The following LATS2 variants were observed in gnomAD, a reference collection of about 807,000 sequenced individuals.
The protein encoded by LATS2 is large tumor suppressor kinase 2.
A neutral mutation model predicts 76.0 loss-of-function variants in LATS2; 24 were observed. The ratio of observed to expected loss-of-function variants is 0.32; its 90% CI spans 0.23 to 0.44. LATS2 has a LOEUF of 0.44. Ranked by LOEUF, LATS2 falls within the 20% of genes least tolerant of loss-of-function variation. LATS2 has a pLI of 1.00. For synonymous variants in LATS2, 692 were observed against 635.4 expected, an observed-to-expected ratio of 1.09 and a Z score of -1.34; for missense variants, 1,286 against 1,481.2, an observed-to-expected ratio of 0.87 and a Z score of 2.16.
chr13:21,028,097 A>G (rs1280450071), intron 2 of LATS2, among the ~76,000 whole-genome samples: 1 of 151,816 alleles, frequency 6.6e-6, no homozygotes, highest in Non-Finnish European at 1.5e-5. Context: ...ACCCCACAAC[A>G]GTCCCCAGAG....
intron 2 of LATS2, among the ~76,000 whole-genome samples, chr13:21,007,089 G>A (rs1044089318): frequency 3.9e-5 from 6 of 152,104 alleles, no homozygotes; most frequent in African/African-American, 1.2e-4. Flanking sequence ...TAGTTATGAA[G>A]TATGGTAGCA....
At chr13:20,996,336 C>T (rs1051509989) in intron 2 of LATS2, among the ~76,000 whole-genome samples, 4 of 151,810 alleles carry the variant, frequency 2.6e-5, no homozygotes, top group African/African-American at 9.7e-5. Context: ...CACATCCAGT[C>T]CAGAAGCATT....
chr13:21,049,946 C>A (rs968567806), intron 1 of LATS2, among the ~76,000 whole-genome samples: 15 of 151,946 alleles, frequency 9.9e-5, no homozygotes, highest in African/African-American at 3.4e-4. Flanking sequence ...CACAGTGAAA[C>A]GCTGTCTCTA....
At chr13:21,030,613 A>AAAAAAAAAAAAAG (rs1565960105) in intron 2 of LATS2, among the ~76,000 whole-genome samples, 25 of 19,512 alleles carry the variant, frequency 1.3e-3, no homozygotes, top group African/African-American at 2.3e-3. Context: ...AAAAAAAAAG[A>AAAAAAAAAAAAAG]AAAAAAAAAA....
intron 2 of LATS2, among the ~76,000 whole-genome samples, chr13:21,006,549 A>C (rs1160737053): frequency 6.6e-6 from 1 of 152,062 alleles, no homozygotes; most frequent in Non-Finnish European, 1.5e-5. Flanking sequence ...ATTAAATGTG[A>C]CTCCGGAAGA....
intron 2 of LATS2, among the ~76,000 whole-genome samples, chr13:21,013,280 G>C (rs1871670735): frequency 6.6e-6 from 1 of 152,210 alleles, no homozygotes; most frequent in African/African-American, 2.4e-5. Flanking sequence ...TGCATGTTCT[G>C]CCCAATTGGA....
At chr13:21,050,983 C>T (rs897216987) in intron 1 of LATS2, among the ~76,000 whole-genome samples, 1 of 152,182 alleles carries the variant, frequency 6.6e-6, no homozygotes, top group Non-Finnish European at 1.5e-5. Flanking sequence ...AAGGCGTGAA[C>T]GGGACCTCTG....
At chr13:21,007,883 C>CT (rs1871422713) in intron 2 of LATS2, among the ~76,000 whole-genome samples, 1 of 143,984 alleles carries the variant, frequency 6.9e-6, no homozygotes, top group Non-Finnish European at 1.5e-5. Context: ...CCTCAGCCTC[C>CT]TGAGTAGCTG....
chr13:20,975,808 C>T (rs577691348), intron 7 of LATS2, among the ~76,000 whole-genome samples: 24 of 152,246 alleles, frequency 1.6e-4, no homozygotes, highest in East Asian at 5.8e-4. Context: ...CTCAGCCTCC[C>T]GAGTAGCTGG....
chr13:20,980,522 G>A (rs1280706047), intron 6 of LATS2, among the ~76,000 whole-genome samples: 1 of 152,196 alleles, frequency 6.6e-6, no homozygotes, highest in Non-Finnish European at 1.5e-5. Context: ...GCATATGCCA[G>A]GGTAGCCCCC....
intron 2 of LATS2, among the ~76,000 whole-genome samples, chr13:21,023,627 C>G (rs1272982238): frequency 8.4e-6 from 1 of 118,718 alleles, no homozygotes; most frequent in Non-Finnish European, 1.6e-5. Flanking sequence ...CCAAATGACA[C>G]ATTTTCTATG....
In LATS2 at chr13:20,988,916, G is replaced by A; in HGVS notation, c.864C>T (p.Ser288=). Reference sequence around the variant, plus strand: ...GTCCTCCCTGGCCCTTCGTGGGCAGGCTGGCGTAACCCCCGGTCTCCGGCG... The same window carrying A: ...GTCCTCCCTGGCCCTTCGTGGGCAGACTGGCGTAACCCCCGGTCTCCGGCG... ...KTPPETGGYA[S]LPTKGQGGPP... The change falls in exon 4 of 8, where the codon AGC becomes AGT. Residue 288 remains serine, a synonymous_variant. Coordinates refer to ENST00000382592, the MANE Select transcript of LATS2 (RefSeq NM_014572.3). The A allele has an allele frequency of 6.6e-7, 1 of 1,525,524 alleles. No individual in the cohort carries two copies. 94.5% of individuals were successfully genotyped at this position (1,525,524 alleles called of 1,614,324 possible).
intron 7 of LATS2, among the ~76,000 whole-genome samples, chr13:20,975,972 T>C (rs1869604836): frequency 6.6e-6 from 1 of 152,184 alleles, no homozygotes; most frequent in Non-Finnish European, 1.5e-5. Context: ...CTGCAAACCA[T>C]CATGACGCTC....
Position 20,990,461 on chromosome 13 carries a change from A to ATTTT in LATS2, c.475+807_475+810dup, listed in dbSNP as rs35074574. On this transcript the variant is annotated intron_variant, in intron 3 of 7. Transcript: ENST00000382592. ...GGGAAAACTCTTGCTAATTACTAGG[A>ATTTT]TTTTTTTTTTTTTTTTTTTTTTTTT... Among the ~76,000 whole-genome samples, 383 of 94,502 alleles carry ATTTT rather than the reference A, an allele frequency of 4.1e-3. 29 individuals are homozygous for ATTTT. Among genetic ancestry groups the ATTTT allele is most frequent in the African/African-American group, 0.015 (361 of 24,362 alleles). The allele number at this position is 94,502 out of a possible 152,430, so 62.0% of individuals were successfully genotyped here.
chr13:21,001,944 C>T (rs962652145), intron 2 of LATS2, among the ~76,000 whole-genome samples: 3 of 151,296 alleles, frequency 2.0e-5, no homozygotes, highest in African/African-American at 4.9e-5. Context: ...GGCGGAGTCT[C>T]GCTCTGTCGC....
At chr13:21,036,057 C>T (rs1329150175) in intron 2 of LATS2, among the ~76,000 whole-genome samples, 2 of 152,166 alleles carry the variant, frequency 1.3e-5, no homozygotes, top group African/African-American at 4.8e-5. Context: ...TGACACCACA[C>T]CTGGATAATT....
intron 2 of LATS2, among the ~76,000 whole-genome samples, chr13:20,993,045 A>AG (rs1325427369): frequency 2.7e-5 from 4 of 149,046 alleles, no homozygotes; most frequent in Non-Finnish European, 5.9e-5. Flanking sequence ...CAAAAAAAAA[A>AG]AAAAAAAAAA....
chr13:21,038,225 CG>C (rs1415532028), intron 2 of LATS2, among the ~76,000 whole-genome samples: 1 of 152,088 alleles, frequency 6.6e-6, no homozygotes, highest in East Asian at 1.9e-4. Context: ...GAGCCTGTAC[CG>C]GGGGCAGGAG....
Position 20,975,377 on chromosome 13 carries a change from C to T in LATS2, c.2773-13G>A, listed in dbSNP as rs763249026. 1 of 1,533,298 alleles carries T rather than the reference C, an allele frequency of 6.5e-7. No individual in the cohort carries two copies. The highest frequency in any genetic ancestry group is 8.8e-7 in the Non-Finnish European group (1 of 1,141,866). 95.0% of individuals were successfully genotyped at this position (1,533,298 alleles called of 1,614,324 possible). A position where few individuals can be genotyped will look rare whatever the true frequency, so the allele number is the denominator to read the frequency against. On this transcript the variant is annotated splice_polypyrimidine_tract_variant and intron_variant, in intron 7 of 7. Transcript: ENST00000382592. ...CCCAGTTGATCACCTGAGGAAACAA[C>T]AGAGCCAACAGGTTAGTTTCTCCTC...
Sources: allele counts gnomAD v4.1 joint callset (sites outside exome capture counted in the v4.1 genomes callset), GRCh38; gene constraint gnomAD v4.1.1; transcripts MANE v1.5; gene names NCBI Gene and HGNC (gene_info 2026-07-23, HGNC 2026-07-21).